The following COL26A1 variants were observed in gnomAD, a reference collection of about 807,000 sequenced individuals.
COL26A1 encodes collagen type XXVI alpha 1 chain.
In COL26A1, 41 loss-of-function variants were observed where a neutral mutation model predicts 59.3. The ratio of observed to expected loss-of-function variants is 0.69; its 90% CI spans 0.54 to 0.90. COL26A1 has a LOEUF of 0.90. COL26A1 is among the 40% of genes least tolerant of loss of function. The pLI is 0.00. For synonymous variants in COL26A1, 266 were observed against 256.0 expected (o/e 1.04, Z -0.37); for missense variants, 612 against 602.3 (o/e 1.02, Z -0.17).
intron 3 of COL26A1, among the ~76,000 whole-genome samples, chr7:101,465,158 C>T (rs1434574481): frequency 6.6e-6 from 1 of 151,646 alleles, no homozygotes; most frequent in Non-Finnish European, 1.5e-5. Context: ...CCACCTTAGC[C>T]TCCCAAGTAG....
chr7:101,486,534 C>T (rs919566828), intron 3 of COL26A1, among the ~76,000 whole-genome samples: 3 of 152,220 alleles, frequency 2.0e-5, no homozygotes, highest in East Asian at 3.9e-4. Flanking sequence ...CTGGCCCTGC[C>T]GTCAGCAGCT....
At chr7:101,520,471 G>A (rs545391193) in intron 3 of COL26A1, among the ~76,000 whole-genome samples, 2 of 152,084 alleles carry the variant, frequency 1.3e-5, no homozygotes, top group South Asian at 2.1e-4. Flanking sequence ...AATTGCTTGC[G>A]GCCAGGAGAC....
Position 101,489,868 on chromosome 7 carries a change from T to C in COL26A1, c.385+42081T>C, listed in dbSNP as rs868211407. On this transcript the variant is annotated intron_variant, in intron 3 of 12. Coordinates refer to ENST00000313669, the MANE Select transcript of COL26A1 (RefSeq NM_001278563.3). ...TTTCTTTCTTTCTTTCTTTCTTTCT[T>C]TCTTTCTTTCTTTCTTTCTTTCTTT... Among the ~76,000 whole-genome samples the C allele has an allele frequency of 6.4e-4, 33 of 51,310 alleles. 2 individuals carry two copies. Among genetic ancestry groups the C allele is most frequent in the African/African-American group, 1.9e-3 (24 of 12,310 alleles). The allele number at this position is 51,310 out of a possible 152,430, so 33.7% of individuals were successfully genotyped here.
At chr7:101,489,921 G>GTC (rs1328632188) in intron 3 of COL26A1, among the ~76,000 whole-genome samples, 8 of 43,450 alleles carry the variant, frequency 1.8e-4, no homozygotes, top group East Asian at 1.5e-3. Flanking sequence ...TTTCTTTCTT[G>GTC]TCTCTCTCTC....
At chr7:101,478,362 T>C (rs1794094033) in intron 3 of COL26A1, among the ~76,000 whole-genome samples, 1 of 152,210 alleles carries the variant, frequency 6.6e-6, no homozygotes, top group Non-Finnish European at 1.5e-5. Flanking sequence ...AATGTGTGTC[T>C]GCTATCTGTG....
intron 3 of COL26A1, among the ~76,000 whole-genome samples, chr7:101,453,569 A>G (rs1584420534): frequency 6.6e-6 from 1 of 152,110 alleles, no homozygotes; most frequent in Admixed American, 6.6e-5. Context: ...CTGGGCTTCA[A>G]GCACCTTGCT....
intron 11 of COL26A1, among the ~76,000 whole-genome samples, chr7:101,553,811 G>C (rs1465505540): frequency 6.6e-6 from 1 of 152,294 alleles, no homozygotes; most frequent in East Asian, 1.9e-4. Context: ...GCTGCTGGAT[G>C]TGGTAGAGGA....
At chr7:101,484,699 T>C (rs1794231186) in intron 3 of COL26A1, among the ~76,000 whole-genome samples, 1 of 151,588 alleles carries the variant, frequency 6.6e-6, no homozygotes, top group South Asian at 2.1e-4. Flanking sequence ...GGAGTCTTGC[T>C]CTGTCACCCA....
chr7:101,449,734 C>T (rs1793284402), intron 3 of COL26A1, among the ~76,000 whole-genome samples: 1 of 152,082 alleles, frequency 6.6e-6, no homozygotes, highest in African/African-American at 2.4e-5. Context: ...GATTGGGGGT[C>T]CCCAAGACCA....
rs551405254 is a variant in COL26A1 at position 101,410,049 on chromosome 7, C to T, written c.159-9928C>T. Among the ~76,000 whole-genome samples the T allele has an allele frequency of 6.6e-4, 100 of 152,180 alleles. 1 individual carries two copies. The highest frequency in any genetic ancestry group is 3.4e-3 in the Middle Eastern group (1 of 294). On this transcript the variant is annotated intron_variant, in intron 1 of 12. Coordinates refer to ENST00000313669, the MANE Select transcript of COL26A1 (RefSeq NM_001278563.3). ...TGCTGGGATTATGGGTGTGAGCCACCGCACCTGGCCAGAGGCTAGGGTTTT... is the reference window on the plus strand; with the variant it reads ...TGCTGGGATTATGGGTGTGAGCCACTGCACCTGGCCAGAGGCTAGGGTTTT...
intron 3 of COL26A1, among the ~76,000 whole-genome samples, chr7:101,453,133 C>T (rs111554662): frequency 0.047 from 7,183 of 152,176 alleles, 274 homozygotes; most frequent in African/African-American, 0.11. Context: ...TTTGGGAGCC[C>T]AAGGCAGTGG....
At chr7:101,442,593 C>G (rs1180914754) in intron 2 of COL26A1, among the ~76,000 whole-genome samples, 1 of 152,146 alleles carries the variant, frequency 6.6e-6, no homozygotes, top group Non-Finnish European at 1.5e-5. Flanking sequence ...TAAAATAGAA[C>G]CTGTGTGATG....
chr7:101,402,527 TTC>T (rs1380924214), intron 1 of COL26A1, among the ~76,000 whole-genome samples: 1 of 152,132 alleles, frequency 6.6e-6, no homozygotes, highest in East Asian at 1.9e-4. Flanking sequence ...AAATTCTATT[TTC>T]TCTTTCTTTT....
intron 1 of COL26A1, among the ~76,000 whole-genome samples, chr7:101,407,556 C>G (rs1792156038): frequency 6.6e-6 from 1 of 151,762 alleles, no homozygotes; most frequent in African/African-American, 2.4e-5. Context: ...TCCCGGGGCT[C>G]TGGGTGGCAG....
intron 1 of COL26A1, among the ~76,000 whole-genome samples, chr7:101,399,162 C>T (rs1303321460): frequency 6.6e-6 from 1 of 151,506 alleles, no homozygotes; most frequent in African/African-American, 2.4e-5. Flanking sequence ...CAAAATTAGC[C>T]AGGTGTGGTG....
At chr7:101,456,168 ATTTTT>A (rs149361281) in intron 3 of COL26A1, among the ~76,000 whole-genome samples, 24,774 of 124,502 alleles carry the variant, frequency 0.2, 2,356 homozygotes, top group Middle Eastern at 0.26. Context: ...ATATATATAT[ATTTTT>A]TTTTTAATGG....
intron 2 of COL26A1, among the ~76,000 whole-genome samples, chr7:101,431,352 T>G (rs1453163385): frequency 2.0e-5 from 3 of 152,064 alleles, no homozygotes; most frequent in Non-Finnish European, 2.9e-5. Flanking sequence ...CTCGACCTCC[T>G]GGGCTTAAGC....
chr7:101,374,328 C>T (rs2117013493), intron 1 of COL26A1, among the ~76,000 whole-genome samples: 1 of 152,286 alleles, frequency 6.6e-6, no homozygotes, highest in African/African-American at 2.4e-5. Flanking sequence ...TTGCCCCACC[C>T]CTAACTACCT....
At chr7:101,363,520 T>C (rs1260639636) in intron 1 of COL26A1, among the ~76,000 whole-genome samples, 8 of 65,576 alleles carry the variant, frequency 1.2e-4, no homozygotes, top group Admixed American at 9.4e-4. Context: ...TGCAGGGCGA[T>C]TGGGGGCTGG....
Sources: allele counts gnomAD v4.1 joint callset (sites outside exome capture counted in the v4.1 genomes callset), GRCh38; gene constraint gnomAD v4.1.1; transcripts MANE v1.5; gene names NCBI Gene and HGNC (gene_info 2026-07-23, HGNC 2026-07-21).